The following SPOCK3 variants were observed in gnomAD, a reference collection of about 807,000 sequenced individuals.
SPOCK3 encodes testican-3.
Under a neutral mutation model 56.6 loss-of-function variants are expected in SPOCK3, and 30 were observed. That is an observed-to-expected ratio of 0.53 (90% CI 0.40 to 0.72). SPOCK3 has a LOEUF of 0.72. Ranked by LOEUF, SPOCK3 falls within the 30% of genes least tolerant of loss-of-function variation. The pLI, the probability that SPOCK3 is intolerant of heterozygous loss-of-function variation, is 0.00. For missense variants in SPOCK3, 527 were observed against 530.0 expected (o/e 0.99, Z 0.06); for synonymous variants, 196 against 183.3 (o/e 1.07, Z -0.56).
intron 2 of SPOCK3, among the ~76,000 whole-genome samples, chr4:167,084,325 C>G (rs531559135): frequency 1.3e-5 from 2 of 152,172 alleles, no homozygotes; most frequent in African/African-American, 4.8e-5. Flanking sequence ...CCATAAGAAA[C>G]TATTGCATAT....
chr4:167,229,418 A>G (rs1451971327), intron 2 of SPOCK3, among the ~76,000 whole-genome samples: 1 of 152,076 alleles, frequency 6.6e-6, no homozygotes, highest in African/African-American at 2.4e-5. Flanking sequence ...TGGCCTGTAG[A>G]GCCATAGAAT....
intron 4 of SPOCK3, among the ~76,000 whole-genome samples, chr4:166,928,184 T>C (rs2149990943): frequency 6.6e-6 from 1 of 152,290 alleles, no homozygotes; most frequent in Non-Finnish European, 1.5e-5. Context: ...CCTCTCAAAC[T>C]AAACATACTC....
At chr4:167,222,059 GT>G (rs1735973603) in intron 2 of SPOCK3, among the ~76,000 whole-genome samples, 1 of 151,964 alleles carries the variant, frequency 6.6e-6, no homozygotes, top group African/African-American at 2.4e-5. Flanking sequence ...GTAACCCAAG[GT>G]TTTTTATTGA....
At chr4:167,118,777 G>A (rs180960976) in intron 2 of SPOCK3, among the ~76,000 whole-genome samples, 35 of 152,266 alleles carry the variant, frequency 2.3e-4, no homozygotes, top group African/African-American at 6.7e-4. Context: ...TGTTGATCAG[G>A]AAGCATAAAT....
intron 6 of SPOCK3, among the ~76,000 whole-genome samples, chr4:166,795,861 A>C (rs1741880286): frequency 6.6e-6 from 1 of 152,156 alleles, no homozygotes; most frequent in South Asian, 2.1e-4. Flanking sequence ...CACACACTGT[A>C]CTAACTGAAT....
intron 4 of SPOCK3, among the ~76,000 whole-genome samples, chr4:166,917,409 C>A (rs996937296): frequency 6.6e-6 from 1 of 151,996 alleles, no homozygotes; most frequent in East Asian, 1.9e-4. Context: ...GTAATCCCCA[C>A]GTGTCGAGGG....
rs1370164087 is a variant in SPOCK3, at chr4:166,737,513, A to G, written c.1086T>C (p.Tyr362=). The G allele has an allele frequency of 1.9e-6, 3 of 1,613,292 alleles. No homozygotes were observed. The highest frequency in any genetic ancestry group is 2.7e-5 in the African/African-American group (2 of 74,906). ...TTCTGGATCCCATGACTTCATTTCC[A>G]TATCTGTCAACACACCAGCACTGTC... ...SVGQCWCVDR[Y]GNEVMGSRIN... The change falls in exon 10 of 11, where the codon TAT becomes TAC. Residue 362 remains tyrosine (Y), a synonymous_variant. Transcript: ENST00000357545.
chr4:167,021,840 T>C (rs1751214215), intron 3 of SPOCK3, among the ~76,000 whole-genome samples: 1 of 152,034 alleles, frequency 6.6e-6, no homozygotes, highest in Admixed American at 6.6e-5. Context: ...CATGTCCAGA[T>C]TGTTTTTTAA....
intron 5 of SPOCK3, among the ~76,000 whole-genome samples, chr4:166,905,649 C>T (rs577607396): frequency 4.0e-4 from 61 of 151,704 alleles, no homozygotes; most frequent in African/African-American, 1.4e-3. Context: ...TAACCAAAAC[C>T]TAAGGCAAGA....
At chr4:167,166,915 A>T (rs1730014253) in intron 2 of SPOCK3, among the ~76,000 whole-genome samples, 1 of 152,172 alleles carries the variant, frequency 6.6e-6, no homozygotes, top group African/African-American at 2.4e-5. Context: ...TTTCATAACG[A>T]ATTACACTTA....
At chr4:166,768,743 G>T (rs1174042157) in intron 7 of SPOCK3, among the ~76,000 whole-genome samples, 1 of 152,274 alleles carries the variant, frequency 6.6e-6, no homozygotes, top group East Asian at 1.9e-4. Flanking sequence ...TGCCTTGCTA[G>T]GTTGGGGAAA....
chr4:167,158,518 A>T (rs1329379662), intron 2 of SPOCK3, among the ~76,000 whole-genome samples: 4 of 151,970 alleles, frequency 2.6e-5, no homozygotes, highest in Admixed American at 2.0e-4. Flanking sequence ...TATACACAAA[A>T]GATCATTCTC....
chr4:167,079,588 A>G (rs1757529767), intron 2 of SPOCK3, among the ~76,000 whole-genome samples: 1 of 151,952 alleles, frequency 6.6e-6, no homozygotes, highest in Admixed American at 6.6e-5. Context: ...CAGTGATTAG[A>G]TGCCAAAAAC....
At chr4:167,085,505 T>C (rs917386806) in intron 2 of SPOCK3, among the ~76,000 whole-genome samples, 2 of 152,158 alleles carry the variant, frequency 1.3e-5, no homozygotes, top group African/African-American at 4.8e-5. Context: ...ATTTGAAATA[T>C]CTGCTTCCTT....
intron 2 of SPOCK3, among the ~76,000 whole-genome samples, chr4:167,151,806 G>A (rs1764450862): frequency 6.6e-6 from 1 of 152,136 alleles, no homozygotes; most frequent in South Asian, 2.1e-4. Context: ...ATTAAAGTGT[G>A]AAATAAAATC....
At chr4:167,062,460 A>T in intron 3 of SPOCK3, 32 bp downstream of exon 3, 3 of 1,514,408 alleles carry the variant, frequency 2.0e-6, no homozygotes, top group Non-Finnish European at 2.7e-6. Flanking sequence ...GAACATGTAA[A>T]GGTTTTTATT....
intron 2 of SPOCK3, among the ~76,000 whole-genome samples, chr4:167,087,369 CAT>C (rs75609511): frequency 0.17 from 25,535 of 152,040 alleles, 2,579 homozygotes; most frequent in Admixed American, 0.26. Flanking sequence ...AATTTCAAAA[CAT>C]GTGTCATCAC....
intron 7 of SPOCK3, among the ~76,000 whole-genome samples, chr4:166,781,027 T>A (rs758292611): frequency 4.6e-5 from 7 of 152,104 alleles, no homozygotes; most frequent in Non-Finnish European, 8.8e-5. Context: ...TTTTTAATTA[T>A]CAGAATAGAC....
At chr4:166,750,547 G>GGAAAA (rs3077123) in intron 8 of SPOCK3, among the ~76,000 whole-genome samples, 119,482 of 151,326 alleles carry the variant, frequency 0.79, 47,401 homozygotes, top group South Asian at 0.82. Flanking sequence ...AAACCAGTAG[G>GGAAAA]GAAGAATGAA....
Sources: gnomAD v4.1 joint callset for allele counts (sites outside exome capture counted in the v4.1 genomes callset) on GRCh38, gnomAD v4.1.1 for gene constraint, MANE v1.5 for transcripts, NCBI Gene and HGNC (gene_info 2026-07-23, HGNC 2026-07-21) for gene names.